Variants in CNTN4 observed in about 807,000 individuals in gnomAD.
CNTN4 encodes contactin 4.
Under a neutral mutation model 122.5 loss-of-function variants are expected in CNTN4, and 77 were observed. The observed-to-expected ratio is 0.63, with a 90% CI of 0.52 to 0.76. The LOEUF is 0.76. Ranked by LOEUF, CNTN4 falls within the 30% of genes least tolerant of loss-of-function variation. CNTN4 has a pLI of 0.00. For missense variants in CNTN4, 1,256 were observed against 1,259.1 expected, an observed-to-expected ratio of 1.00 and a Z score of 0.04; for synonymous variants, 512 against 447.0, an observed-to-expected ratio of 1.15 and a Z score of -1.83.
In CNTN4 at chr3:2,595,446, G is replaced by T. The variant is rs565928950; in HGVS notation, c.55+23888G>T. Among the ~76,000 whole-genome samples, 60 of 152,256 alleles carry T rather than the reference G, an allele frequency of 3.9e-4. 1 individual carries two copies. The highest frequency in any genetic ancestry group is 2.7e-3 in the Admixed American group (41 of 15,294). On this transcript the variant is annotated intron_variant, in intron 4 of 24. Coordinates refer to ENST00000418658, the MANE Select transcript of CNTN4 (RefSeq NM_175607.3). ...TTAACAATGAGAAGAGAAGCCAGGGGTCCTATAATCTTCCACATCCCACCT... is the reference window on the plus strand; with the variant it reads ...TTAACAATGAGAAGAGAAGCCAGGGTTCCTATAATCTTCCACATCCCACCT...
At chr3:2,857,935 A>G (rs1040251504) in intron 7 of CNTN4, among the ~76,000 whole-genome samples, 2 of 152,198 alleles carry the variant, frequency 1.3e-5, no homozygotes, top group Non-Finnish European at 2.9e-5. Context: ...TTATACCAAC[A>G]AAAGTATGCA....
intron 2 of CNTN4, among the ~76,000 whole-genome samples, chr3:2,299,529 T>C (rs188143562): frequency 1.3e-3 from 191 of 152,238 alleles, no homozygotes; most frequent in Non-Finnish European, 2.3e-3. Flanking sequence ...CTCAAGCTCA[T>C]ATTATTGAAG....
intron 2 of CNTN4, chr3:2,238,729 C>T (rs1204923988): frequency 2.5e-5 from 2 of 80,444 alleles, no homozygotes; most frequent in African/African-American, 5.6e-5. Context: ...TATCAGTTGG[C>T]TCTGTGTTTT....
intron 4 of CNTN4, among the ~76,000 whole-genome samples, chr3:2,659,460 CA>C (rs59025670): frequency 0.1 from 5,457 of 54,046 alleles, 60 homozygotes; most frequent in African/African-American, 0.15. Flanking sequence ...GACTCCATCT[CA>C]AAAAAAAAAA....
At chr3:2,712,664 C>T (rs2087223628) in intron 4 of CNTN4, among the ~76,000 whole-genome samples, 1 of 152,128 alleles carries the variant, frequency 6.6e-6, no homozygotes, top group South Asian at 2.1e-4. Context: ...TTTCTGTATG[C>T]TAATGTTGAC....
chr3:2,538,766 CA>C (rs1434403182), intron 3 of CNTN4, among the ~76,000 whole-genome samples: 1 of 151,742 alleles, frequency 6.6e-6, no homozygotes, highest in Admixed American at 6.6e-5. Context: ...TTCCTAATGG[CA>C]GTTATTTTTC....
At chr3:2,156,203 C>G (rs2035712032) in intron 2 of CNTN4, among the ~76,000 whole-genome samples, 1 of 152,158 alleles carries the variant, frequency 6.6e-6, no homozygotes, top group Non-Finnish European at 1.5e-5. Flanking sequence ...CCGTTCCTGC[C>G]TCAGTGCTTC....
At chr3:2,180,395 A>G (rs919920375) in intron 2 of CNTN4, among the ~76,000 whole-genome samples, 4 of 152,040 alleles carry the variant, frequency 2.6e-5, no homozygotes, top group African/African-American at 9.7e-5. Flanking sequence ...CAATAGTAGA[A>G]TAGTAGAACT....
chr3:2,909,318 G>T (rs2151205105), intron 12 of CNTN4, among the ~76,000 whole-genome samples: 1 of 152,260 alleles, frequency 6.6e-6, no homozygotes, highest in East Asian at 1.9e-4. Context: ...ATACGTACCA[G>T]TAGTAGGAGG....
intron 3 of CNTN4, among the ~76,000 whole-genome samples, chr3:2,443,662 A>T (rs571921486): frequency 6.6e-6 from 1 of 152,278 alleles, no homozygotes; most frequent in African/African-American, 2.4e-5. Flanking sequence ...TATGTATTTC[A>T]GTGTCGACTT....
chr3:2,299,239 A>G (rs914567390), intron 2 of CNTN4, among the ~76,000 whole-genome samples: 1 of 152,160 alleles, frequency 6.6e-6, no homozygotes. Context: ...CACATTATAA[A>G]ATTTGGATTA....
intron 13 of CNTN4, among the ~76,000 whole-genome samples, chr3:2,939,057 G>A (rs1163379846): frequency 4.6e-5 from 7 of 152,110 alleles, no homozygotes; most frequent in Admixed American, 4.6e-4. Flanking sequence ...CTTCTTAGAT[G>A]TATTGATGCC....
chr3:2,613,047 G>A (rs950056879), intron 4 of CNTN4, among the ~76,000 whole-genome samples: 4 of 151,974 alleles, frequency 2.6e-5, no homozygotes, highest in African/African-American at 9.7e-5. Context: ...TTGTGCCAGG[G>A]GCTTTGTCTG....
At chr3:2,853,619 A>G (rs1015298391) in intron 7 of CNTN4, among the ~76,000 whole-genome samples, 16 of 152,178 alleles carry the variant, frequency 1.1e-4, no homozygotes, top group African/African-American at 3.1e-4. Flanking sequence ...GAGGAATTCA[A>G]CCACCACATG....
chr3:2,170,281 C>G (rs2036439227), intron 2 of CNTN4, among the ~76,000 whole-genome samples: 1 of 151,918 alleles, frequency 6.6e-6, no homozygotes, highest in Admixed American at 6.6e-5. Flanking sequence ...GATCGCGCCA[C>G]CGCACTCCAG....
intron 2 of CNTN4, among the ~76,000 whole-genome samples, chr3:2,319,906 G>A (rs1222549676): frequency 6.6e-6 from 1 of 152,142 alleles, no homozygotes; most frequent in African/African-American, 2.4e-5. Flanking sequence ...AGTAATACAT[G>A]TATAGCCTTT....
intron 4 of CNTN4, among the ~76,000 whole-genome samples, chr3:2,600,655 A>G (rs1279617874): frequency 6.6e-6 from 1 of 152,208 alleles, no homozygotes; most frequent in Non-Finnish European, 1.5e-5. Flanking sequence ...GTGCCACAAT[A>G]AACATACGTG....
chr3:2,983,297 T>G (rs1694234078), intron 13 of CNTN4, among the ~76,000 whole-genome samples: 1 of 131,626 alleles, frequency 7.6e-6, no homozygotes, highest in Admixed American at 8.0e-5. Context: ...TAAAGAACTA[T>G]GAATAAATGG....
chr3:2,644,328 G>T (rs2083023782), intron 4 of CNTN4, among the ~76,000 whole-genome samples: 1 of 152,146 alleles, frequency 6.6e-6, no homozygotes, highest in Non-Finnish European at 1.5e-5. Context: ...TAAAGTAGAA[G>T]AAACATTTCT....
Sources: allele counts gnomAD v4.1 joint callset (sites outside exome capture counted in the v4.1 genomes callset), GRCh38; gene constraint gnomAD v4.1.1; transcripts MANE v1.5; gene names NCBI Gene and HGNC (gene_info 2026-07-23, HGNC 2026-07-21).